The following PDE11A variants were observed in gnomAD, a reference collection of about 807,000 sequenced individuals.
PDE11A encodes the protein phosphodiesterase 11A.
A neutral mutation model predicts 100.5 loss-of-function variants in PDE11A; 100 were observed. The ratio of observed to expected loss-of-function variants is 1.00; its 90% CI spans 0.85 to 1.18. The LOEUF is 1.18. Among genes scored for constraint, PDE11A ranks in the 50% most tolerant of loss-of-function variants. The pLI is 0.00. For missense variants in PDE11A, 1,141 were observed against 1,152.6 expected (o/e 0.99, Z 0.15); for synonymous variants, 381 against 420.8 (o/e 0.91, Z 1.16).
At chr2:177,844,893 G>T (rs1449153052) in intron 5 of PDE11A, among the ~76,000 whole-genome samples, 2 of 151,918 alleles carry the variant, frequency 1.3e-5, no homozygotes, top group African/African-American at 4.8e-5. Flanking sequence ...GGCAGAAGAA[G>T]TTTTCTTAGT....
At chr2:177,714,500 A>G (rs1559156691) in intron 12 of PDE11A, among the ~76,000 whole-genome samples, 1 of 152,180 alleles carries the variant, frequency 6.6e-6, no homozygotes, top group East Asian at 1.9e-4. Flanking sequence ...AGGCTAAGTC[A>G]TATGCCCAGG....
intron 10 of PDE11A, among the ~76,000 whole-genome samples, chr2:177,739,826 A>G (rs771902910): frequency 1.3e-5 from 2 of 152,220 alleles, no homozygotes; most frequent in Admixed American, 1.3e-4. Flanking sequence ...CCATAAAAGC[A>G]CATGAAGCAT....
At chr2:177,740,514 C>T (rs1195998012) in intron 10 of PDE11A, among the ~76,000 whole-genome samples, 1 of 152,180 alleles carries the variant, frequency 6.6e-6, no homozygotes, top group East Asian at 1.9e-4. Flanking sequence ...CCAGTTTAGC[C>T]TCCATAGCAC....
chr2:177,805,796 A>C (rs2082860452), intron 9 of PDE11A, among the ~76,000 whole-genome samples: 2 of 152,206 alleles, frequency 1.3e-5, no homozygotes, highest in Non-Finnish European at 2.9e-5. Flanking sequence ...ATTTATGGTT[A>C]GGTAAAGAAG....
intron 13 of PDE11A, among the ~76,000 whole-genome samples, chr2:177,709,962 G>A (rs2081336210): frequency 6.6e-6 from 1 of 152,170 alleles, no homozygotes. Flanking sequence ...AACCCAGACA[G>A]CTTTCCATGA....
At chr2:177,637,963 G>GTA (rs1456098100) in intron 19 of PDE11A, among the ~76,000 whole-genome samples, 5 of 129,036 alleles carry the variant, frequency 3.9e-5, no homozygotes, top group African/African-American at 1.2e-4. Flanking sequence ...ACATATATAC[G>GTA]TATATATATA....
intron 9 of PDE11A, chr2:177,796,969 GT>G (rs2082715875): frequency 6.6e-6 from 1 of 152,204 alleles, no homozygotes; most frequent in Non-Finnish European, 1.5e-5. Context: ...GAAAGAAACA[GT>G]TTCCTTACTG....
chr2:178,096,164 C>CTTTTTTTTTTT lies in PDE11A; in HGVS notation c.162+8137_162+8138insAAAAAAAAAAA, dbSNP rs1257178630. On this transcript the variant is annotated intron_variant, in intron 2 of 20. Coordinates refer to the PDE11A transcript ENST00000358450. Reference sequence around the variant, plus strand: ...TCCCCAGAAAACAGGTTTTTCTTTTCTTTTCTTTTTTTTTTTTGAGATGGA... The same window carrying CTTTTTTTTTTT: ...TCCCCAGAAAACAGGTTTTTCTTTTCTTTTTTTTTTTTTTTCTTTTTTTTTTTTGAGATGGA... Among the ~76,000 whole-genome samples, 377 of 110,060 alleles carry CTTTTTTTTTTT rather than the reference C, an allele frequency of 3.4e-3. 1 individual carries two copies. Among genetic ancestry groups the CTTTTTTTTTTT allele is most frequent in the Non-Finnish European group, 5.6e-3 (281 of 50,424 alleles). The allele number at this position is 110,060 out of a possible 152,430, so 72.2% of individuals were successfully genotyped here.
At chr2:178,008,876 CCAAA>C (rs2105823500) in intron 2 of PDE11A, among the ~76,000 whole-genome samples, 1 of 152,200 alleles carries the variant, frequency 6.6e-6, no homozygotes, top group African/African-American at 2.4e-5. Flanking sequence ...AGCAGGGTAA[CCAAA>C]CACTCTGAAT....
At chr2:177,765,690 G>A (rs1451305558) in intron 10 of PDE11A, among the ~76,000 whole-genome samples, 3 of 152,178 alleles carry the variant, frequency 2.0e-5, no homozygotes, top group Admixed American at 6.5e-5. Flanking sequence ...GTTTACTCAC[G>A]TTCTGAGCTG....
chr2:177,904,959 G>A (rs1473792509), intron 3 of PDE11A, 139 bp downstream of exon 3: 1 of 685,436 alleles, frequency 1.5e-6, no homozygotes, highest in Non-Finnish European at 2.7e-6. Context: ...TTCAACCACA[G>A]CCTTGCAGAA....
chr2:178,059,016 G>GT (rs1162532081), intron 1 of PDE11A, among the ~76,000 whole-genome samples: 1 of 152,136 alleles, frequency 6.6e-6, no homozygotes, highest in Non-Finnish European at 1.5e-5. Flanking sequence ...CACCCTTGAA[G>GT]TTTAATGCAC....
At chr2:178,004,557 G>C (rs1055370695) in intron 2 of PDE11A, among the ~76,000 whole-genome samples, 2 of 152,170 alleles carry the variant, frequency 1.3e-5, no homozygotes, top group Middle Eastern at 6.8e-3. Context: ...TAACAATTTT[G>C]CCTGCCAACA....
At chr2:177,892,902 C>G (rs2084552719) in intron 4 of PDE11A, among the ~76,000 whole-genome samples, 1 of 152,234 alleles carries the variant, frequency 6.6e-6, no homozygotes, top group East Asian at 1.9e-4. Context: ...GCATTTGCCT[C>G]TCATGCTCCT....
intron 6 of PDE11A, among the ~76,000 whole-genome samples, chr2:177,834,529 G>C (rs2083361449): frequency 6.6e-6 from 1 of 152,210 alleles, no homozygotes; most frequent in Non-Finnish European, 1.5e-5. Context: ...CAGGTGAGCA[G>C]TGGCTCCCTG....
intron 10 of PDE11A, among the ~76,000 whole-genome samples, chr2:177,739,413 C>T (rs969551197): frequency 9.4e-4 from 143 of 152,260 alleles, no homozygotes; most frequent in African/African-American, 3.2e-3. Flanking sequence ...ATTCATGTTA[C>T]TAACTGGATC....
intron 2 of PDE11A, among the ~76,000 whole-genome samples, chr2:177,981,366 G>A (rs1160483697): frequency 6.6e-6 from 1 of 150,558 alleles, no homozygotes; most frequent in Non-Finnish European, 1.5e-5. Context: ...GGTGTCAGAA[G>A]GGTCCTGCTC....
At chr2:177,676,104 A>G (rs1028784940) in intron 16 of PDE11A, 1 of 177,984 alleles carries the variant, frequency 5.6e-6, no homozygotes. Context: ...TGAAGAAGAA[A>G]CATACTCAGC....
chr2:177,952,118 A>C (rs2085512437), intron 2 of PDE11A, among the ~76,000 whole-genome samples: 1 of 152,102 alleles, frequency 6.6e-6, no homozygotes, highest in African/African-American at 2.4e-5. Context: ...CACCATATTA[A>C]ATGTCTTGCC....
Sources: gnomAD v4.1 joint callset for allele counts (sites outside exome capture counted in the v4.1 genomes callset) on GRCh38, gnomAD v4.1.1 for gene constraint, MANE v1.5 for transcripts, NCBI Gene and HGNC (gene_info 2026-07-23, HGNC 2026-07-21) for gene names.